The following KIF6 variants were observed in gnomAD, a reference collection of about 807,000 sequenced individuals.
The protein encoded by KIF6 is kinesin family member 6, also known as kinesin-like protein KIF6.
A neutral mutation model predicts 112.7 loss-of-function variants in KIF6; 106 were observed. The ratio of observed to expected loss-of-function variants is 0.94; its 90% CI spans 0.80 to 1.11. The LOEUF is 1.11. Among genes scored for constraint, KIF6 ranks in the 50% least tolerant of loss-of-function variants. KIF6 has a pLI of 0.00. For missense variants in KIF6, 929 were observed against 964.0 expected (o/e 0.96, Z 0.48); for synonymous variants, 339 against 339.9 (o/e 1.00, Z 0.03).
intron 3 of KIF6, among the ~76,000 whole-genome samples, chr6:39,655,205 T>A (rs1032493059): frequency 2.0e-5 from 3 of 152,230 alleles, no homozygotes; most frequent in Admixed American, 6.5e-5. Flanking sequence ...ATTTTCATAT[T>A]CATATTTTAT....
intron 3 of KIF6, among the ~76,000 whole-genome samples, chr6:39,683,729 A>T (rs1787667467): frequency 6.6e-6 from 1 of 151,958 alleles, no homozygotes; most frequent in Admixed American, 6.6e-5. Context: ...AAGACAGAAG[A>T]ACAGCCGAGT....
chr6:39,604,348 G>A lies in KIF6; in HGVS notation c.640-8088C>T, dbSNP rs553802035. Reference sequence around the variant, plus strand: ...TTAGGAAGCTTGCTATGCCCTTGATGTACTCTAACTCAGCCTGGAAAAGTG... The same window carrying A: ...TTAGGAAGCTTGCTATGCCCTTGATATACTCTAACTCAGCCTGGAAAAGTG... On this transcript the variant is annotated intron_variant, in intron 6 of 22. Transcript: ENST00000287152. 8.1e-4 allele frequency among the ~76,000 whole-genome samples: 123 copies of A among 152,208 alleles called. 2 individuals carry two copies. Among genetic ancestry groups the A allele is most frequent in the Middle Eastern group, 6.8e-3 (2 of 294 alleles).
At position 39,651,455 on chromosome 6, in the gene KIF6, G is replaced by A. The variant is rs1217380016; in HGVS notation, c.252-11698C>T. ...GCCGTCAGTGTGGTGGGTGCTGAGA[G>A]AAGCAGCAGTGGAGGAAAATGCGTT... On this transcript the variant is annotated intron_variant, in intron 3 of 22. Transcript: ENST00000287152. Among the ~76,000 whole-genome samples, 4 of 152,176 alleles carry A rather than the reference G, an allele frequency of 2.6e-5. No homozygotes were observed. The South Asian group carries it at 6.2e-4, about 24-fold the overall frequency.
rs1381269206 is a variant in KIF6 at position 39,342,541 on chromosome 6, C to A, written c.2428+1168G>T. ...TTCATTGCTGTTCAGTGCCTGATAC[C>A]TATCATCAGAGTATTTGGGGCATAG... On this transcript the variant is annotated intron_variant, in intron 22 of 22. Coordinates refer to ENST00000287152, the MANE Select transcript of KIF6 (RefSeq NM_145027.6). This position sits in a 1 kb window ranked among gnomAD's most constrained non-coding sequence, Gnocchi z 4.7. Among the ~76,000 whole-genome samples the A allele has an allele frequency of 6.6e-6, 1 of 151,430 alleles. No individual in the cohort carries two copies. Among genetic ancestry groups the A allele is most frequent in the African/African-American group, 2.4e-5 (1 of 40,940 alleles).
chr6:39,471,605 C>T (rs1437000777), intron 13 of KIF6, among the ~76,000 whole-genome samples: 1 of 152,198 alleles, frequency 6.6e-6, no homozygotes, highest in African/African-American at 2.4e-5. Context: ...TGTCCTGATC[C>T]TCAATGTCAT....
intron 12 of KIF6, 63 bp downstream of exon 12, chr6:39,544,492 A>T: frequency 6.6e-7 from 1 of 1,524,964 alleles, no homozygotes; most frequent in South Asian, 1.3e-5. Context: ...CTCAGGAAAG[A>T]CTGCTGTTTA....
chr6:39,533,506 G>T (rs373543701), intron 13 of KIF6, among the ~76,000 whole-genome samples: 4 of 152,204 alleles, frequency 2.6e-5, no homozygotes, highest in Admixed American at 1.3e-4. Context: ...CAAAGCAGCC[G>T]GGAAGCTTGA....
chr6:39,556,556 G>A (rs1438552276), intron 10 of KIF6, among the ~76,000 whole-genome samples: 1 of 152,176 alleles, frequency 6.6e-6, no homozygotes, highest in Non-Finnish European at 1.5e-5. Context: ...TGAGACTGTT[G>A]AGAAGCCACC....
At position 39,544,669 on chromosome 6, in the gene KIF6, G is replaced by A. The variant is rs1431883622; in HGVS notation, c.1312C>T (p.Leu438Phe). 2.5e-6 allele frequency: 4 copies of A among 1,600,802 alleles called. No individual in the cohort carries two copies. The South Asian group carries it at 4.5e-5, about 18-fold the overall frequency. Reference sequence around the variant, plus strand: ...TCAGAGGAGACTGTATTGTTTTCAAGGATCTTCTTGTCATTCAATAGTTTC... The same window carrying A: ...TCAGAGGAGACTGTATTGTTTTCAAAGATCTTCTTGTCATTCAATAGTTTC... The part of the protein sequence containing the change: ...LKKLLNDKKI[L>F]ENNTVSSESK... Residue 438 changes from leucine (L) to phenylalanine (F), a missense_variant, in exon 12 of 23, where the codon CTT becomes TTT. Transcript: ENST00000287152.
intron 13 of KIF6, among the ~76,000 whole-genome samples, chr6:39,466,978 A>T (rs1773828995): frequency 1.3e-5 from 2 of 152,210 alleles, no homozygotes; most frequent in Admixed American, 1.3e-4. Flanking sequence ...TTGCTTCCAG[A>T]GAAGCAGACC....
At chr6:39,483,462 C>T (rs1774927916) in intron 13 of KIF6, among the ~76,000 whole-genome samples, 1 of 152,154 alleles carries the variant, frequency 6.6e-6, no homozygotes, top group Non-Finnish European at 1.5e-5. Flanking sequence ...AAAGATTTCC[C>T]ACCTGACACA....
chr6:39,698,468 T>G (rs1788683013), intron 3 of KIF6, among the ~76,000 whole-genome samples: 1 of 152,194 alleles, frequency 6.6e-6, no homozygotes, highest in Non-Finnish European at 1.5e-5. Flanking sequence ...TGCCAAAGAT[T>G]CTAGTGCTTG....
At chr6:39,373,701 T>C (rs1466298803) in intron 16 of KIF6, among the ~76,000 whole-genome samples, 4 of 151,828 alleles carry the variant, frequency 2.6e-5, no homozygotes, top group East Asian at 1.9e-4. Context: ...TTGAAAACTA[T>C]AAAACACTGA....
At chr6:39,546,178 C>T (rs917677036) in intron 10 of KIF6, among the ~76,000 whole-genome samples, 16 of 152,186 alleles carry the variant, frequency 1.1e-4, no homozygotes, top group African/African-American at 3.1e-4. Flanking sequence ...TACTCTTTCA[C>T]TCTCTGTCAA....
chr6:39,345,587 T>A (rs1763642290), intron 21 of KIF6, 113 bp downstream of exon 21: 1 of 787,174 alleles, frequency 1.3e-6, no homozygotes, highest in African/African-American at 1.7e-5. Flanking sequence ...AGACCTGGGT[T>A]CTGTCTGTGT....
chr6:39,346,598 TAAGAC>T (rs1763828760), intron 19 of KIF6, 72 bp from the exon 20 acceptor site: 1 of 627,296 alleles, frequency 1.6e-6, no homozygotes, highest in African/African-American at 1.8e-5. Flanking sequence ...CTGAGCAGAC[TAAGAC>T]AAGAGCCAAG....
At chr6:39,397,894 T>C (rs566046211) in intron 15 of KIF6, among the ~76,000 whole-genome samples, 12 of 152,088 alleles carry the variant, frequency 7.9e-5, no homozygotes, top group East Asian at 5.8e-4. Context: ...AGGGCTAATA[T>C]CAGGAAGGCA....
At chr6:39,478,895 T>A (rs1209741751) in intron 13 of KIF6, among the ~76,000 whole-genome samples, 1 of 152,170 alleles carries the variant, frequency 6.6e-6, no homozygotes, top group African/African-American at 2.4e-5. Flanking sequence ...GCCATTTGTA[T>A]ATCTTCTTTC....
At chr6:39,367,433 C>A (rs866927132) in intron 16 of KIF6, among the ~76,000 whole-genome samples, 15 of 152,108 alleles carry the variant, frequency 9.9e-5, no homozygotes, top group African/African-American at 2.9e-4. Context: ...TGCCGAGTGG[C>A]CTGCGAGGTC....
Sources: allele counts gnomAD v4.1 joint callset (sites outside exome capture counted in the v4.1 genomes callset), GRCh38; gene constraint gnomAD v4.1.1; non-coding constraint Gnocchi (gnomAD v3.1); transcripts MANE v1.5; gene names NCBI Gene and HGNC (gene_info 2026-07-23, HGNC 2026-07-21).